PLEKHG5: variants seen among roughly 807,000 people sequenced by gnomAD.
PLEKHG5 encodes pleckstrin homology domain-containing family G member 5.
In PLEKHG5, 52 loss-of-function variants were observed where a neutral mutation model predicts 103.8. The observed-to-expected ratio is 0.50, with a 90% confidence interval of 0.40 to 0.63. The LOEUF (loss-of-function observed/expected upper bound fraction) is 0.63. Among genes scored for constraint, PLEKHG5 ranks in the 30% least tolerant of loss-of-function variants. The pLI, the probability that PLEKHG5 is intolerant of heterozygous loss-of-function variation, is 0.00. For synonymous variants in PLEKHG5, 592 were observed against 575.5 expected (o/e 1.03, Z -0.41); for missense variants, 1,205 against 1,347.6 (o/e 0.89, Z 1.66).
At chr1:6,491,759 T>C, upstream of PLEKHG5, 1 of 920,194 alleles carries the variant, frequency 1.1e-6, no homozygotes, top group Non-Finnish European at 1.3e-6. The surrounding 1 kb of genome is among the most constrained non-coding windows in gnomAD (Gnocchi z 4.1). Context: ...TCACAGGCCA[T>C]TGTTAAGCTG....
rs552940776 is a variant in PLEKHG5 at position 6,487,526 on chromosome 1, G to C, written c.-88+4111C>G. ...CTGGTCCGCACAGGGTCCACCTGCC[G>C]GTCTTCCTTCTCTCCCTACAGCTCG... On this transcript the variant is annotated intron_variant, in intron 1 of 20. Coordinates refer to ENST00000377728, the MANE Select transcript of PLEKHG5 (RefSeq NM_020631.6). The surrounding 1 kb of genome is among the most constrained non-coding windows in gnomAD (Gnocchi z 4.1). 2.0e-5 allele frequency among the ~76,000 whole-genome samples: 3 copies of C among 152,116 alleles called. No homozygotes were observed. The highest frequency in any genetic ancestry group is 7.2e-5 in the African/African-American group (3 of 41,412).
At position 6,475,764 on chromosome 1, in the gene PLEKHG5, G is replaced by C. The variant is rs1243373198; in HGVS notation, c.149+167C>G. On this transcript the variant is annotated intron_variant, in intron 3 of 20. Transcript: ENST00000377728. Reference sequence around the variant, plus strand: ...CCCAAGCACCCTGGAGGCTGGCCCAGGCTGGGTGGCCTCTTCCCGGAGTCA... The same window carrying C: ...CCCAAGCACCCTGGAGGCTGGCCCACGCTGGGTGGCCTCTTCCCGGAGTCA... Among the ~76,000 whole-genome samples, 16 of 152,258 alleles carry C rather than the reference G, an allele frequency of 1.1e-4. 1 individual carries two copies. The highest frequency in any genetic ancestry group is 1.0e-3 in the Admixed American group (16 of 15,286).
chr1:6,519,271 T>C (rs527964701), intron 1 of PLEKHG5, among the ~76,000 whole-genome samples: 2 of 152,298 alleles, frequency 1.3e-5, no homozygotes, highest in South Asian at 4.1e-4. Context: ...CTTAACTCAC[T>C]GATTAATGGA....
upstream of PLEKHG5, chr1:6,497,404 G>A (rs1223625383): frequency 1.8e-5 from 18 of 1,000,980 alleles, no homozygotes; most frequent in Admixed American, 5.7e-5. This position sits in a 1 kb window ranked among gnomAD's most constrained non-coding sequence, Gnocchi z 6.1. Flanking sequence ...CCGCAGAGCC[G>A]CCGCCGCCGG....
upstream of PLEKHG5, chr1:6,497,338 G>A: frequency 9.8e-7 from 1 of 1,021,180 alleles, no homozygotes; most frequent in African/African-American, 1.7e-5. This position sits in a 1 kb window ranked among gnomAD's most constrained non-coding sequence, Gnocchi z 6.1. Flanking sequence ...CAGGCCCCGT[G>A]CCGCGCGGGG....
chr1:6,497,347 G>A (rs1193938438), upstream of PLEKHG5: 3 of 1,043,304 alleles, frequency 2.9e-6, no homozygotes, highest in Non-Finnish European at 3.6e-6. This position sits in a 1 kb window ranked among gnomAD's most constrained non-coding sequence, Gnocchi z 6.1. Context: ...TGCCGCGCGG[G>A]GGGCGGGCGG....
chr1:6,496,168 T>C (rs1645220673), upstream of PLEKHG5, among the ~76,000 whole-genome samples: 3 of 152,234 alleles, frequency 2.0e-5, no homozygotes, highest in Non-Finnish European at 4.4e-5. Context: ...TTCCCCTGGC[T>C]AAGCCTCAGT....
intron 19 of PLEKHG5, 136 bp downstream of exon 19, chr1:6,468,906 G>T: frequency 1.2e-6 from 1 of 802,786 alleles, no homozygotes; most frequent in East Asian, 2.6e-5. Flanking sequence ...GGACTCTGGG[G>T]GAGACAGAGC....
intron 1 of PLEKHG5, chr1:6,485,366 C>A: frequency 1.4e-6 from 2 of 1,421,334 alleles, no homozygotes. Context: ...CCCAGGAGGG[C>A]TCCGAGTCCC....
chr1:6,473,536 G>T, intron 7 of PLEKHG5, 82 bp from the exon 8 acceptor site: 1 of 1,120,916 alleles, frequency 8.9e-7, no homozygotes, highest in Non-Finnish European at 1.2e-6. Context: ...CAGGGCCTCA[G>T]GCCAGCCTGG....
chr1:6,469,483 G>A (rs1183979200), intron 17 of PLEKHG5, 33 bp from the exon 18 acceptor site: 3 of 1,613,662 alleles, frequency 1.9e-6, no homozygotes, highest in South Asian at 1.1e-5. Context: ...AGTGTCAGCA[G>A]AGACGATGGC....
At chr1:6,491,737 A>G, upstream of PLEKHG5, 1 of 972,784 alleles carries the variant, frequency 1.0e-6, no homozygotes, top group Non-Finnish European at 1.2e-6. This position sits in a 1 kb window ranked among gnomAD's most constrained non-coding sequence, Gnocchi z 4.1. Context: ...ACCCTGACTC[A>G]TCCCTGCCAC....
upstream of PLEKHG5, among the ~76,000 whole-genome samples, chr1:6,495,041 G>T (rs1393464145): frequency 6.6e-6 from 1 of 152,244 alleles, no homozygotes; most frequent in Non-Finnish European, 1.5e-5. Flanking sequence ...AGCAGCTTGA[G>T]GACCCCCCCT....
exon 1 of PLEKHG5, chr1:6,519,730 G>A (rs1342086950): frequency 1.1e-5 from 7 of 615,526 alleles, no homozygotes; most frequent in East Asian, 2.7e-5. Context: ...TTTGCTCCCC[G>A]TCCAACACAG....
chr1:6,467,861 C>T lies in PLEKHG5; in HGVS notation c.2975G>A (p.Arg992Lys), dbSNP rs750720112. 3 of 1,613,116 alleles carry T rather than the reference C, an allele frequency of 1.9e-6. No homozygotes were observed. The highest frequency in any genetic ancestry group is 2.5e-6 in the Non-Finnish European group (3 of 1,179,820). Residue 992 changes from arginine to lysine, a missense_variant, in exon 20 of 21, where the codon AGG (arginine) becomes AAG (lysine). Physicochemically the swap from Arg to Lys is conservative, Grantham distance 26 (BLOSUM62 2). Transcript: ENST00000377728. Reference protein sequence around the residue: ...KLTLAQLYRIRTTLLLNSTLT... With the variant: ...KLTLAQLYRIKTTLLLNSTLT... ...CGTGGAGTTAAGCAGCAGGGTGGTC[C>T]TGATTCGGTAGAGCTGGGCCAGGGT...
chr1:6,516,767 G>GTA (rs35179738), intron 1 of PLEKHG5, among the ~76,000 whole-genome samples: 111,055 of 146,332 alleles, frequency 0.76, 44,206 homozygotes, highest in Non-Finnish European at 0.87. Context: ...ATATATATGT[G>GTA]TATATATATG....
In PLEKHG5 at chr1:6,468,511, G is replaced by C; in HGVS notation, c.2325C>G (p.Phe775Leu). 1 of 1,612,928 alleles carries C rather than the reference G, an allele frequency of 6.2e-7. No individual in the cohort carries two copies. Among genetic ancestry groups the C allele is most frequent in the South Asian group, 1.1e-5 (1 of 91,070 alleles). The change falls in exon 20 of 21, where the codon TTC (phenylalanine) becomes TTG (leucine). Residue 775 changes from phenylalanine to leucine, a missense_variant. Physicochemically the swap from Phe to Leu is conservative, Grantham distance 22. Transcript: ENST00000377728. ...EPGDTLSSPE[F>L]DSGPFSSQSD... ...ACTGGGAGCTGAAAGGACCGCTGTC[G>C]AACTCGGGGGAGGACAGCGTGTCCC...
upstream of PLEKHG5, among the ~76,000 whole-genome samples, chr1:6,492,308 GC>G (rs969951572): frequency 2.6e-5 from 4 of 152,108 alleles, no homozygotes; most frequent in African/African-American, 9.7e-5. Flanking sequence ...CCTCCTCCAT[GC>G]CCCCTTGTGA....
At chr1:6,500,674 G>C (rs1645287093), upstream of PLEKHG5, among the ~76,000 whole-genome samples, 1 of 137,314 alleles carries the variant, frequency 7.3e-6, no homozygotes, top group Non-Finnish European at 1.5e-5. Flanking sequence ...CCCCTAGCCA[G>C]ACCTGGAACC....
Sources: allele counts gnomAD v4.1 joint callset (sites outside exome capture counted in the v4.1 genomes callset), GRCh38; gene constraint gnomAD v4.1.1; non-coding constraint Gnocchi (gnomAD v3.1); transcripts MANE v1.5; gene names NCBI Gene and HGNC (gene_info 2026-07-23, HGNC 2026-07-21).